Variants in KLHL32 observed in about 807,000 individuals in gnomAD.
The protein encoded by KLHL32 is kelch like family member 32, also known as kelch-like protein 32.
Under a neutral mutation model 64.8 loss-of-function variants are expected in KLHL32, and 35 were observed. The observed-to-expected ratio is 0.54, with a 90% CI of 0.41 to 0.72. KLHL32 has a LOEUF of 0.72. KLHL32 is among the 30% of genes least tolerant of loss of function. The pLI, the probability that KLHL32 is intolerant of heterozygous loss-of-function variation, is 0.00. For synonymous variants in KLHL32, 259 were observed against 281.0 expected (o/e 0.92, Z 0.78); for missense variants, 589 against 768.5 (o/e 0.77, Z 2.76).
chr6:97,068,591 C>T (rs1224181774), intron 5 of KLHL32, among the ~76,000 whole-genome samples: 1 of 152,174 alleles, frequency 6.6e-6, no homozygotes, highest in African/African-American at 2.4e-5. Context: ...TAATAGGAAA[C>T]TGTTAATGTG....
chr6:97,108,609 CAA>C (rs1796717903), intron 6 of KLHL32, among the ~76,000 whole-genome samples: 1 of 152,148 alleles, frequency 6.6e-6, no homozygotes, highest in Non-Finnish European at 1.5e-5. Context: ...TTTGAATAAA[CAA>C]GAGTTATCTG....
At chr6:97,138,778 A>G (rs1800353217) in intron 10 of KLHL32, among the ~76,000 whole-genome samples, 1 of 152,218 alleles carries the variant, frequency 6.6e-6, no homozygotes, top group African/African-American at 2.4e-5. Flanking sequence ...AGCCAACATT[A>G]TGTCAGACTG....
chr6:97,042,176 G>A (rs1785225066), intron 4 of KLHL32, among the ~76,000 whole-genome samples: 2 of 152,168 alleles, frequency 1.3e-5, no homozygotes, highest in Admixed American at 1.3e-4. Context: ...ATACAGACTG[G>A]ATGTTTAGCT....
chr6:97,069,417 T>G lies in KLHL32; in HGVS notation c.411+4691T>G, dbSNP rs577759636. On this transcript the variant is annotated intron_variant, in intron 5 of 10. Coordinates refer to ENST00000369261, the MANE Select transcript of KLHL32 (RefSeq NM_052904.4). The stretch of plus-strand genomic sequence containing the variant: ...TTTTGTTCCTTTTTTTTTTTTTTTT[T>G]GTACCAATGGCAATTTCAGTAAGAA... 3.3e-4 allele frequency among the ~76,000 whole-genome samples: 49 copies of G among 147,394 alleles called. No individual in the cohort carries two copies. In the South Asian group the frequency reaches 1.0e-2, roughly 30 times the overall value.
chr6:96,932,744 T>A (rs931013479), intron 1 of KLHL32, among the ~76,000 whole-genome samples: 8 of 151,976 alleles, frequency 5.3e-5, no homozygotes, highest in East Asian at 1.9e-4. Context: ...TTTTTAAAAA[T>A]TTTTTTGTAG....
the KLHL32 span, among the ~76,000 whole-genome samples, chr6:96,915,599 C>A: frequency 1.3e-5 from 2 of 151,802 alleles, no homozygotes; most frequent in Non-Finnish European, 1.5e-5. Flanking sequence ...CAATTAATTT[C>A]TGCAATTAAT....
chr6:97,038,740 A>G (rs534751583), intron 3 of KLHL32, among the ~76,000 whole-genome samples: 51 of 152,172 alleles, frequency 3.4e-4, no homozygotes, highest in Middle Eastern at 6.8e-3. Flanking sequence ...AAAGGAAATC[A>G]GTATATCTGC....
Position 97,139,299 on chromosome 6 carries a change from G to C in KLHL32, c.*17G>C. 1 of 1,605,530 alleles carries C rather than the reference G, an allele frequency of 6.2e-7. No individual in the cohort carries two copies. The highest frequency in any genetic ancestry group is 8.5e-7 in the Non-Finnish European group (1 of 1,174,116). ...ACCATCTGAAAAGCCAAGCCATCAT[G>C]AACAGGAGGAAAACATAGCTCTGAC... On this transcript the variant is annotated 3_prime_UTR_variant, in exon 11 of 11. Transcript: ENST00000369261.
chr6:96,919,089 T>A, the KLHL32 span, among the ~76,000 whole-genome samples: 1 of 152,140 alleles, frequency 6.6e-6, no homozygotes, highest in Non-Finnish European at 1.5e-5. Context: ...CTTGACCAAT[T>A]AGATTCTCCT....
intron 5 of KLHL32, among the ~76,000 whole-genome samples, chr6:97,080,960 T>G (rs758339411): frequency 2.3e-4 from 35 of 152,168 alleles, no homozygotes; most frequent in Non-Finnish European, 4.0e-4. Flanking sequence ...TCATGCTGCT[T>G]CTTTGGCTTG....
chr6:97,038,864 G>A (rs1030515434), intron 3 of KLHL32, among the ~76,000 whole-genome samples: 1 of 151,942 alleles, frequency 6.6e-6, no homozygotes, highest in Non-Finnish European at 1.5e-5. Context: ...GCTGAGGCAG[G>A]TGGATCACTT....
At chr6:96,971,874 C>T (rs931399550) in intron 2 of KLHL32, among the ~76,000 whole-genome samples, 7 of 152,086 alleles carry the variant, frequency 4.6e-5, no homozygotes, top group African/African-American at 1.7e-4. Flanking sequence ...GTTGTTGAGA[C>T]AGAGTTTCAC....
intron 3 of KLHL32, among the ~76,000 whole-genome samples, chr6:97,025,608 C>T (rs1782609977): frequency 6.6e-6 from 1 of 152,156 alleles, no homozygotes; most frequent in African/African-American, 2.4e-5. Flanking sequence ...CAGCCTGATT[C>T]TGTTTGTCTT....
At chr6:97,085,877 C>T (rs890069362) in intron 6 of KLHL32, among the ~76,000 whole-genome samples, 6 of 152,150 alleles carry the variant, frequency 3.9e-5, no homozygotes, top group African/African-American at 1.2e-4. Flanking sequence ...TTTCCTAAGC[C>T]CTGCCTTTTC....
intron 3 of KLHL32, among the ~76,000 whole-genome samples, chr6:97,034,134 T>C (rs1429221322): frequency 6.6e-6 from 1 of 152,120 alleles, no homozygotes; most frequent in Non-Finnish European, 1.5e-5. Context: ...CCCTACATTT[T>C]CTTCTGTATT....
In KLHL32 at chr6:97,023,814, T is replaced by A. The variant is rs540766916; in HGVS notation, c.205-17678T>A. ...AATTGGGAACCTAATGTGGTAACTG[T>A]GGTCTCTCTTCTCTTCAACTTGTAA... is the stretch of plus-strand genomic sequence containing the variant. On this transcript the variant is annotated intron_variant, in intron 3 of 10. Transcript: ENST00000369261. 3.9e-5 allele frequency among the ~76,000 whole-genome samples: 6 copies of A among 152,350 alleles called. No individual in the cohort carries two copies. In the South Asian group the frequency reaches 1.2e-3, roughly 32 times the overall value.
intron 6 of KLHL32, among the ~76,000 whole-genome samples, chr6:97,091,418 C>T (rs1794202074): frequency 6.6e-6 from 1 of 152,194 alleles, no homozygotes; most frequent in South Asian, 2.1e-4. Context: ...CTCTACCCAG[C>T]CATGTCCTGT....
chr6:97,114,109 T>C lies in KLHL32; in HGVS notation c.954T>C (p.Ala318=). 6.2e-7 allele frequency: 1 copy of C among 1,614,184 alleles called. No homozygotes were observed. The highest frequency in any genetic ancestry group is 8.5e-7 in the Non-Finnish European group (1 of 1,180,032). ...RYFNPVDQEN[A]LIAAIANWSE... ...TCAATCCTGTTGATCAGGAGAATGC[T>C]CTCATAGCTGCCATTGCCAACTGGA... The change falls in exon 7 of 11, where the codon GCT becomes GCC. Residue 318 remains alanine (A), a synonymous_variant. Transcript: ENST00000369261.
rs575816586 is a variant in KLHL32, at chr6:96,935,538, C to G, written c.-66+10512C>G. Among the ~76,000 whole-genome samples, 9 of 152,252 alleles carry G rather than the reference C, an allele frequency of 5.9e-5. No individual in the cohort carries two copies. The South Asian group carries it at 1.9e-3, about 32-fold the overall frequency. On this transcript the variant is annotated intron_variant, in intron 1 of 10. Coordinates refer to ENST00000369261, the MANE Select transcript of KLHL32 (RefSeq NM_052904.4). ...AGAGGGAACACTAACTGTGAAACCG[C>G]GTCTATCATCAATTGATTTTGAACT...
Sources: allele counts gnomAD v4.1 joint callset (sites outside exome capture counted in the v4.1 genomes callset), GRCh38; gene constraint gnomAD v4.1.1; transcripts MANE v1.5; gene names NCBI Gene and HGNC (gene_info 2026-07-23, HGNC 2026-07-21).